Variants in AKAP13 observed in about 807,000 individuals in gnomAD.
AKAP13 encodes A-kinase anchoring protein 13, also known as A-kinase anchor protein 13.
In AKAP13, 80 loss-of-function variants were observed where a neutral mutation model predicts 264.5. The ratio of observed to expected loss-of-function variants is 0.30; its 90% CI spans 0.25 to 0.36. The LOEUF is 0.36. Ranked by LOEUF, AKAP13 falls within the 10% of genes least tolerant of loss-of-function variation. AKAP13 has a pLI of 1.00. For missense variants in AKAP13, 3,712 were observed against 3,435.2 expected, an observed-to-expected ratio of 1.08 and a Z score of -2.01; for synonymous variants, 1,380 against 1,250.2, an observed-to-expected ratio of 1.10 and a Z score of -2.19.
At chr15:85,617,154 C>T (rs2080972167) in intron 8 of AKAP13, among the ~76,000 whole-genome samples, 1 of 152,214 alleles carries the variant, frequency 6.6e-6, no homozygotes, top group South Asian at 2.1e-4. Flanking sequence ...CACTAGAAGT[C>T]ACAAAATATC....
intron 8 of AKAP13, among the ~76,000 whole-genome samples, chr15:85,610,797 G>T (rs1567153864): frequency 6.6e-6 from 1 of 151,872 alleles, no homozygotes; most frequent in East Asian, 1.9e-4. Context: ...CTAACATGGT[G>T]AAACTCCCCC....
In AKAP13 at chr15:85,550,572, A is replaced by G. The variant is rs116210013; in HGVS notation, c.662+6617A>G. On this transcript the variant is annotated intron_variant, in intron 5 of 36. Transcript: ENST00000394518. The stretch of plus-strand genomic sequence containing the variant: ...TGCTATTGAGCAAGATGTTCTGCCA[A>G]CATAGTAATTTTGCCCTTTTAGATT... Among the ~76,000 whole-genome samples the G allele has an allele frequency of 2.8e-3, 420 of 152,326 alleles. 1 individual carries two copies. Among genetic ancestry groups the G allele is most frequent in the African/African-American group, 4.8e-3 (199 of 41,548 alleles).
intron 1 of AKAP13, among the ~76,000 whole-genome samples, chr15:85,452,330 A>G (rs1272495630): frequency 6.6e-6 from 1 of 151,064 alleles, no homozygotes; most frequent in Non-Finnish European, 1.5e-5. Context: ...AATCTCAATG[A>G]TCTTTGTTCC....
At chr15:85,482,158 T>A (rs2075371299) in intron 1 of AKAP13, among the ~76,000 whole-genome samples, 1 of 152,206 alleles carries the variant, frequency 6.6e-6, no homozygotes, top group South Asian at 2.1e-4. Flanking sequence ...AACCCTGAGT[T>A]CTCAATGTTG....
At chr15:85,736,801 C>T (rs2088554416) in intron 33 of AKAP13, among the ~76,000 whole-genome samples, 1 of 152,028 alleles carries the variant, frequency 6.6e-6, no homozygotes, top group South Asian at 2.1e-4. Context: ...AGCCTTTTCT[C>T]TATCACAAGC....
At chr15:85,651,088 T>C in intron 10 of AKAP13, among the ~76,000 whole-genome samples, 1 of 152,170 alleles carries the variant, frequency 6.6e-6, no homozygotes. Context: ...TAATAAGATA[T>C]AAAGTATGCA....
intron 14 of AKAP13, among the ~76,000 whole-genome samples, chr15:85,676,507 A>T (rs1232962083): frequency 6.6e-6 from 1 of 152,200 alleles, no homozygotes; most frequent in African/African-American, 2.4e-5. Context: ...ACATCCACCC[A>T]CAGGTGAGCA....
chr15:85,554,938 T>C (rs1473718329), intron 5 of AKAP13, among the ~76,000 whole-genome samples: 2 of 152,212 alleles, frequency 1.3e-5, no homozygotes, highest in African/African-American at 4.8e-5. Context: ...AAATTACTCA[T>C]AGACAGTAGT....
At chr15:85,613,290 A>T (rs1199561071) in intron 8 of AKAP13, among the ~76,000 whole-genome samples, 1 of 152,142 alleles carries the variant, frequency 6.6e-6, no homozygotes, top group Admixed American at 6.5e-5. Context: ...TTTCAGGAAG[A>T]AGTTTTATTA....
intron 2 of AKAP13, among the ~76,000 whole-genome samples, chr15:85,495,792 C>G (rs2075853995): frequency 6.6e-6 from 1 of 152,158 alleles, no homozygotes; most frequent in African/African-American, 2.4e-5. Flanking sequence ...CGTCCTTCCT[C>G]TCTTGTTTTC....
At chr15:85,673,551 C>A (rs2084033412) in intron 14 of AKAP13, among the ~76,000 whole-genome samples, 1 of 151,926 alleles carries the variant, frequency 6.6e-6, no homozygotes, top group African/African-American at 2.4e-5. Flanking sequence ...TTGTGTGGAG[C>A]CTTTTTCTCC....
At chr15:85,695,999 G>A (rs112306310) in intron 17 of AKAP13, among the ~76,000 whole-genome samples, 1 of 152,176 alleles carries the variant, frequency 6.6e-6, no homozygotes, top group Non-Finnish European at 1.5e-5. Flanking sequence ...TTTATAGCAT[G>A]TTCACCTATT....
intron 1 of AKAP13, among the ~76,000 whole-genome samples, chr15:85,466,579 C>G (rs8042857): frequency 0.23 from 34,475 of 152,080 alleles, 4,719 homozygotes; most frequent in African/African-American, 0.35. Context: ...TATGGCTAGC[C>G]AGTTTTCCCA....
intron 1 of AKAP13, among the ~76,000 whole-genome samples, chr15:85,399,425 A>G (rs1191934367): frequency 4.2e-5 from 6 of 142,958 alleles, no homozygotes; most frequent in Non-Finnish European, 1.5e-5. Flanking sequence ...GAACCCGGGA[A>G]GCGGAGCTTG....
At chr15:85,436,781 C>T (rs2073320521) in intron 1 of AKAP13, among the ~76,000 whole-genome samples, 1 of 152,070 alleles carries the variant, frequency 6.6e-6, no homozygotes, top group South Asian at 2.1e-4. Flanking sequence ...AGAACGAAGA[C>T]ACAACATACC....
intron 1 of AKAP13, among the ~76,000 whole-genome samples, chr15:85,381,119 C>T (rs2070217183): frequency 6.6e-6 from 1 of 152,120 alleles, no homozygotes; most frequent in South Asian, 2.1e-4. Context: ...GCCGATGCTA[C>T]CTCAGGCGCT....
chr15:85,438,415 T>G (rs79726465), intron 1 of AKAP13, among the ~76,000 whole-genome samples: 82,351 of 150,824 alleles, frequency 0.55, 23,411 homozygotes, highest in African/African-American at 0.66. Flanking sequence ...CAGATTCAAC[T>G]CCATCCCCAT....
intron 3 of AKAP13, among the ~76,000 whole-genome samples, chr15:85,533,362 T>A (rs1246855453): frequency 6.6e-6 from 1 of 152,226 alleles, no homozygotes; most frequent in Non-Finnish European, 1.5e-5. Flanking sequence ...CAAAGTTTTT[T>A]GTTTTTTGTT....
chr15:85,476,837 T>C (rs549177250), intron 1 of AKAP13, among the ~76,000 whole-genome samples: 70 of 152,320 alleles, frequency 4.6e-4, no homozygotes, highest in African/African-American at 1.6e-3. Flanking sequence ...GTGGCTTGTC[T>C]ATCGTTGTTG....
Sources: gnomAD v4.1 joint callset for allele counts (sites outside exome capture counted in the v4.1 genomes callset) on GRCh38, gnomAD v4.1.1 for gene constraint, MANE v1.5 for transcripts, NCBI Gene and HGNC (gene_info 2026-07-23, HGNC 2026-07-21) for gene names.